The following COL6A6 variants were observed in gnomAD, a reference collection of about 807,000 sequenced individuals.
The protein encoded by COL6A6 is collagen type VI alpha 6 chain.
A neutral mutation model predicts 208.6 loss-of-function variants in COL6A6; 183 were observed. The ratio of observed to expected loss-of-function variants is 0.88; its 90% CI spans 0.78 to 0.99. The LOEUF is 0.99. Among genes scored for constraint, COL6A6 ranks in the 50% least tolerant of loss-of-function variants. COL6A6 has a pLI of 0.00. For synonymous variants in COL6A6, 973 were observed against 1,011.8 expected (o/e 0.96, Z 0.73); for missense variants, 2,816 against 2,815.2 (o/e 1.00, Z -0.01).
At chr3:130,609,599 C>T (rs1486093337) in intron 22 of COL6A6, among the ~76,000 whole-genome samples, 2 of 152,012 alleles carry the variant, frequency 1.3e-5, no homozygotes, top group East Asian at 3.9e-4. Context: ...GAAATCCTAG[C>T]AAATACTGAG....
chr3:130,605,839 G>A (rs1439544630), intron 20 of COL6A6, among the ~76,000 whole-genome samples: 2 of 152,184 alleles, frequency 1.3e-5, no homozygotes, highest in Non-Finnish European at 2.9e-5. Context: ...TGTCTTACAT[G>A]GTGGCAGGCA....
At chr3:130,645,803 C>G (rs765086950) in intron 32 of COL6A6, among the ~76,000 whole-genome samples, 3 of 152,198 alleles carry the variant, frequency 2.0e-5, no homozygotes, top group Non-Finnish European at 2.9e-5. Flanking sequence ...TTTCAGGTAT[C>G]TTACAAATGC....
At position 130,599,666 on chromosome 3, in the gene COL6A6, T is replaced by C; in HGVS notation, c.4600-91T>C. On this transcript the variant is annotated intron_variant, in intron 19 of 36. Transcript: ENST00000358511. ...ACTCTCTCATTGGTGTGTGAACCTA[T>C]CTATCCTCCCTGGAGTAAAAGTTGA... is the stretch of plus-strand genomic sequence containing the variant. 6 of 1,310,682 alleles carry C rather than the reference T, an allele frequency of 4.6e-6. No homozygotes were observed. The Admixed American group carries it at 1.1e-4, about 24-fold the overall frequency. The allele number at this position is 1,310,682 out of a possible 1,614,324, so 81.2% of individuals were successfully genotyped here. A position where few individuals can be genotyped will look rare whatever the true frequency, so the allele number is the denominator to read the frequency against.
At chr3:130,558,064 T>C (rs1000306346) in intron 1 of COL6A6, among the ~76,000 whole-genome samples, 4 of 152,226 alleles carry the variant, frequency 2.6e-5, no homozygotes, top group Admixed American at 2.6e-4. Flanking sequence ...ACTGTTAAGA[T>C]AGAGCTTACT....
At chr3:130,671,507 G>A (rs1009968338) in intron 36 of COL6A6, among the ~76,000 whole-genome samples, 2 of 152,132 alleles carry the variant, frequency 1.3e-5, no homozygotes, top group Admixed American at 6.5e-5. Context: ...CTGTGCATTC[G>A]CCAGCCATTC....
At chr3:130,527,838 A>G (rs895556211) in intron 1 of COL6A6, among the ~76,000 whole-genome samples, 1 of 150,446 alleles carries the variant, frequency 6.6e-6, no homozygotes, top group African/African-American at 2.5e-5. Flanking sequence ...CATGGTCAGC[A>G]TAGTAACTTT....
rs770328195 is a variant in COL6A6, at chr3:130,565,153, G to A, written c.821G>A (p.Ser274Asn). ...NCMRVGLVAYSNETKVINSLS... is the reference protein window; with the variant it reads ...NCMRVGLVAYNNETKVINSLS... ...ATGAGGGTTGGCCTTGTGGCCTATAGCAATGAGACAAAAGTGATAAATTCA... is the reference window on the plus strand; with the variant it reads ...ATGAGGGTTGGCCTTGTGGCCTATAACAATGAGACAAAAGTGATAAATTCA... The change falls in exon 4 of 37, where the codon AGC becomes AAC. Residue 274 changes from serine to asparagine, a missense_variant. By Grantham distance (46) the Ser-to-Asn change is conservative. Coordinates refer to ENST00000358511, the MANE Select transcript of COL6A6 (RefSeq NM_001102608.3). 3.7e-6 allele frequency: 6 copies of A among 1,613,908 alleles called. No individual in the cohort carries two copies. Among genetic ancestry groups the A allele is most frequent in the Admixed American group, 3.3e-5 (2 of 60,002 alleles).
intron 33 of COL6A6, among the ~76,000 whole-genome samples, chr3:130,651,481 C>G (rs1393551376): frequency 5.4e-5 from 8 of 147,802 alleles, no homozygotes; most frequent in Admixed American, 1.3e-4. Flanking sequence ...TATTAGCATT[C>G]AGTTGCTTGA....
intron 34 of COL6A6, among the ~76,000 whole-genome samples, chr3:130,660,882 T>C (rs1234862373): frequency 6.6e-6 from 1 of 152,232 alleles, no homozygotes; most frequent in East Asian, 1.9e-4. Flanking sequence ...CCACAGTCTC[T>C]TCTGTAAAAT....
Position 130,568,447 on chromosome 3 carries a change from A to G in COL6A6, c.2244A>G (p.Glu748=). Residue 748 remains glutamate, a synonymous_variant, in exon 6 of 37, where the codon GAA becomes GAG. Coordinates refer to ENST00000358511, the MANE Select transcript of COL6A6 (RefSeq NM_001102608.3). ...VKEPAVVLRQ[E]GVIIYSVGVF... ...AACCAGCAGTAGTGCTTCGGCAAGA[A>G]GGTGTAATCATCTATTCTGTGGGAG... The G allele has an allele frequency of 6.2e-7, 1 of 1,614,000 alleles. No individual in the cohort carries two copies. The highest frequency in any genetic ancestry group is 8.5e-7 in the Non-Finnish European group (1 of 1,179,882).
chr3:130,617,257 C>T (rs1576338456), intron 23 of COL6A6, among the ~76,000 whole-genome samples: 2 of 152,202 alleles, frequency 1.3e-5, no homozygotes, highest in Admixed American at 6.5e-5. Context: ...AGACTCTAGC[C>T]TCACGTATAC....
At chr3:130,550,432 T>C (rs1399567720) in intron 1 of COL6A6, among the ~76,000 whole-genome samples, 1 of 152,208 alleles carries the variant, frequency 6.6e-6, no homozygotes, top group African/African-American at 2.4e-5. Flanking sequence ...TGATGTTGGC[T>C]ATGGGTTTGT....
Position 130,568,144 on chromosome 3 carries a change from C to A in COL6A6, c.1941C>A (p.Asn647Lys), listed in dbSNP as rs544514057. The change falls in exon 6 of 37, where the codon AAC (asparagine) becomes AAA (lysine). Residue 647 changes from asparagine to lysine, a missense_variant. Coordinates refer to ENST00000358511, the MANE Select transcript of COL6A6 (RefSeq NM_001102608.3). ...GCAAAATGAAAACATTTATGAAAAA[C>A]CTGGTGAGCAAGTCTCAGATTGGAC... Reference protein sequence around the residue: ...NFSKMKTFMKNLVSKSQIGPD... With the variant: ...NFSKMKTFMKKLVSKSQIGPD... 3 of 1,613,948 alleles carry A rather than the reference C, an allele frequency of 1.9e-6. No individual in the cohort carries two copies. The highest frequency in any genetic ancestry group is 2.5e-6 in the Non-Finnish European group (3 of 1,179,860).
At chr3:130,567,684 A>C (rs2107905871) in intron 5 of COL6A6, among the ~76,000 whole-genome samples, 1 of 152,302 alleles carries the variant, frequency 6.6e-6, no homozygotes, top group African/African-American at 2.4e-5. Flanking sequence ...GTTATTTGTC[A>C]ACGCCTAGAG....
At chr3:130,587,564 A>T (rs1428376191) in intron 11 of COL6A6, among the ~76,000 whole-genome samples, 1 of 152,280 alleles carries the variant, frequency 6.6e-6, no homozygotes, top group African/African-American at 2.4e-5. Flanking sequence ...TTTCAAAAAC[A>T]TACGAGAATT....
intron 1 of COL6A6, among the ~76,000 whole-genome samples, chr3:130,553,025 G>A (rs114751934): frequency 0.016 from 2,374 of 152,242 alleles, 33 homozygotes; most frequent in African/African-American, 0.034. Context: ...TGTTAGCCTG[G>A]TGGGTTCCCT....
At chr3:130,524,901 TG>T (rs1380000296) in intron 1 of COL6A6, among the ~76,000 whole-genome samples, 2 of 152,334 alleles carry the variant, frequency 1.3e-5, no homozygotes, top group East Asian at 3.9e-4. Flanking sequence ...TAAGCAATTT[TG>T]GGCTGGGATA....
At chr3:130,606,817 C>T in intron 20 of COL6A6, 114 bp from the exon 21 acceptor site, 1 of 703,764 alleles carries the variant, frequency 1.4e-6, no homozygotes, top group South Asian at 2.3e-5. Context: ...GTTGTAAGCA[C>T]TATGTGGGAA....
At chr3:130,531,187 CTA>C (rs1190042043) in intron 1 of COL6A6, among the ~76,000 whole-genome samples, 4 of 151,522 alleles carry the variant, frequency 2.6e-5, no homozygotes, top group Non-Finnish European at 5.9e-5. Context: ...GCTTTTCAAC[CTA>C]TATAGTTTCT....
Sources: gnomAD v4.1 joint callset for allele counts (sites outside exome capture counted in the v4.1 genomes callset) on GRCh38, gnomAD v4.1.1 for gene constraint, MANE v1.5 for transcripts, NCBI Gene and HGNC (gene_info 2026-07-23, HGNC 2026-07-21) for gene names.